Variants in UBALD1 observed in about 807,000 individuals in gnomAD.
The protein encoded by UBALD1 is UBA-like domain-containing protein 1.
In UBALD1, 5 loss-of-function variants were observed where a neutral mutation model predicts 16.1. That is an observed-to-expected ratio of 0.31 (90% CI 0.16 to 0.66). UBALD1 has a LOEUF of 0.66. UBALD1 is among the 30% of genes least tolerant of loss of function. The probability of loss-of-function intolerance (pLI) is 0.77; values close to 1 mark genes in which losing one functional copy is unlikely to be tolerated. For synonymous variants in UBALD1, 146 were observed against 105.3 expected (o/e 1.39, Z -2.37); for missense variants, 220 against 252.8 (o/e 0.87, Z 0.88).
rs773822870 is a variant in UBALD1 at position 4,614,807 on chromosome 16, G to A, written c.-10C>T. On this transcript the variant is annotated 5_prime_UTR_variant, in exon 1 of 3. Coordinates refer to ENST00000283474, the MANE Select transcript of UBALD1 (RefSeq NM_145253.3). ...CCATGTTCACGGACATGGCGCCGCC[G>A]CGCTGCCCGCTCCGGCCTCCCTCCT... 6.7e-6 allele frequency: 10 copies of A among 1,493,828 alleles called. No homozygotes were observed. Among genetic ancestry groups the A allele is most frequent in the Admixed American group, 2.3e-5 (1 of 43,308 alleles). 92.5% of individuals were successfully genotyped at this position (1,493,828 alleles called of 1,614,324 possible).
At chr16:4,610,012 T>C in intron 2 of UBALD1, 29 bp from the exon 3 acceptor site, 1 of 1,508,740 alleles carries the variant, frequency 6.6e-7, no homozygotes, top group Non-Finnish European at 9.1e-7. Flanking sequence ...AGAGATGGGG[T>C]GAGCACCCCT....
At chr16:4,614,548 C>T (rs1246542217) in intron 1 of UBALD1, 130 bp downstream of exon 1, 1 of 1,308,158 alleles carries the variant, frequency 7.6e-7, no homozygotes. Flanking sequence ...GTCGGGAAAG[C>T]GGGTCGGGTC....
Position 4,614,876 on chromosome 16 carries a change from C to A in UBALD1, c.-79G>T. 7.4e-7 allele frequency: 1 copy of A among 1,347,268 alleles called. No individual in the cohort carries two copies. The highest frequency in any genetic ancestry group is 1.7e-5 in the South Asian group (1 of 58,502). 83.5% of individuals were successfully genotyped at this position (1,347,268 alleles called of 1,614,324 possible). On this transcript the variant is annotated 5_prime_UTR_variant, in exon 1 of 3. Coordinates refer to ENST00000283474, the MANE Select transcript of UBALD1 (RefSeq NM_145253.3). ...CACGCGTCCACCATTAGCGAGCCGG[C>A]TCCGGCTAATACAAATATTTACTGT...
At position 4,614,587 on chromosome 16, in the gene UBALD1, A is replaced by G. The variant is rs1387007016; in HGVS notation, c.120+91T>C. Reference sequence around the variant, plus strand: ...GGCCCGGAGGGGGCGCACAGCCGGCACGCGTCCACGCCGTCCGCCCCCGCC... The same window carrying G: ...GGCCCGGAGGGGGCGCACAGCCGGCGCGCGTCCACGCCGTCCGCCCCCGCC... On this transcript the variant is annotated intron_variant, in intron 1 of 2. Coordinates refer to ENST00000283474, the MANE Select transcript of UBALD1 (RefSeq NM_145253.3). 4 of 1,268,106 alleles carry G rather than the reference A, an allele frequency of 3.2e-6. No individual in the cohort carries two copies. The East Asian group carries it at 1.3e-4, about 41-fold the overall frequency. 78.6% of individuals were successfully genotyped at this position (1,268,106 alleles called of 1,614,324 possible).
chr16:4,614,309 G>A (rs928247284), intron 1 of UBALD1: 107 of 360,706 alleles, frequency 3.0e-4, no homozygotes, highest in Non-Finnish European at 4.8e-4. Flanking sequence ...CTCCGGCCCA[G>A]CTCTGCCGAG....
chr16:4,609,760 T>A lies in UBALD1; in HGVS notation c.407A>T (p.His136Leu). 1.3e-6 allele frequency: 2 copies of A among 1,503,250 alleles called. No individual in the cohort carries two copies. Among genetic ancestry groups the A allele is most frequent in the South Asian group, 1.3e-5 (1 of 74,296 alleles). The allele number at this position is 1,503,250 out of a possible 1,614,324, so 93.1% of individuals were successfully genotyped here. ...TAASPPGGPQ[H>L]HQPQPPLWTP... The stretch of plus-strand genomic sequence containing the variant: ...CCACAGGGGCGGCTGTGGCTGGTGG[T>A]GCTGTGGGCCCCCCGGGGGCGAGGC... The change falls in exon 3 of 3, where the codon CAC becomes CTC. Residue 136 changes from histidine (H) to leucine (L), a missense_variant. Physicochemically the swap from His to Leu is moderately conservative, Grantham distance 99. Transcript: ENST00000283474.
chr16:4,614,240 C>G (rs1897393578), intron 1 of UBALD1: 1 of 339,682 alleles, frequency 2.9e-6, no homozygotes, highest in African/African-American at 2.1e-5. Context: ...TGTGCGCACG[C>G]CGCCGACCGC....
chr16:4,613,698 C>G (rs1419477589), intron 1 of UBALD1, among the ~76,000 whole-genome samples: 4 of 152,176 alleles, frequency 2.6e-5, no homozygotes, highest in Non-Finnish European at 5.9e-5. Flanking sequence ...TGATACCAAC[C>G]ACCATGGGGT....
intron 1 of UBALD1, chr16:4,610,885 C>CCCCAT: frequency 2.3e-6 from 1 of 429,304 alleles, no homozygotes; most frequent in Non-Finnish European, 4.1e-6. Context: ...GGGCAGTACA[C>CCCCAT]CCCATCCTGG....
intron 1 of UBALD1, chr16:4,610,857 C>G (rs943057081): frequency 1.2e-4 from 55 of 448,040 alleles, no homozygotes; most frequent in Middle Eastern, 5.7e-4. Flanking sequence ...GGCACCAGCA[C>G]CATGACTGGG....
At chr16:4,612,634 C>T (rs1157227298) in intron 1 of UBALD1, among the ~76,000 whole-genome samples, 3 of 152,150 alleles carry the variant, frequency 2.0e-5, no homozygotes, top group African/African-American at 7.2e-5. Context: ...CCACTAGACA[C>T]CGGCCCCTCC....
Position 4,614,411 on chromosome 16 carries a change from TG to T in UBALD1, c.120+266del, listed in dbSNP as rs138923012. 2,308 of 378,288 alleles carry T rather than the reference TG, an allele frequency of 6.1e-3. 44 individuals are homozygous for T. The highest frequency in any genetic ancestry group is 0.043 in the African/African-American group (2,027 of 47,244). The allele number at this position is 378,288 out of a possible 1,614,324, so 23.4% of individuals were successfully genotyped here. On this transcript the variant is annotated intron_variant, in intron 1 of 2. Coordinates refer to ENST00000283474, the MANE Select transcript of UBALD1 (RefSeq NM_145253.3). ...TCGGCCGTTACCCGGACAAAAGGGG[TG>T]GGGGGGGTCCCCGTCTCGATCCCGG...
intron 1 of UBALD1, among the ~76,000 whole-genome samples, chr16:4,613,548 C>T (rs888865636): frequency 6.6e-6 from 1 of 152,156 alleles, no homozygotes; most frequent in African/African-American, 2.4e-5. Context: ...CTTCTAGTCC[C>T]TCCTGCAGGC....
chr16:4,609,811 G>A lies in UBALD1; in HGVS notation c.356C>T (p.Ser119Phe), dbSNP rs750542597. 2.0e-6 allele frequency: 3 copies of A among 1,525,538 alleles called. No individual in the cohort carries two copies. Among genetic ancestry groups the A allele is most frequent in the East Asian group, 4.6e-5 (2 of 43,488 alleles). The allele number at this position is 1,525,538 out of a possible 1,614,324, so 94.5% of individuals were successfully genotyped here. The change falls in exon 3 of 3, where the codon TCT becomes TTT. Residue 119 changes from serine (S) to phenylalanine (F), a missense_variant. Transcript: ENST00000283474. ...PHFPHAATSS[S>F]AASSWPTAAS... Reference sequence around the variant, plus strand: ...CGCCGTGGGCCAGCTGGAGGCCGCAGAGCTGCTGGTGGCGGCATGGGGGAA... The same window carrying A: ...CGCCGTGGGCCAGCTGGAGGCCGCAAAGCTGCTGGTGGCGGCATGGGGGAA...
intron 1 of UBALD1, among the ~76,000 whole-genome samples, chr16:4,611,943 G>A (rs563857775): frequency 6.6e-6 from 1 of 152,268 alleles, no homozygotes; most frequent in East Asian, 1.9e-4. Context: ...CCACCCCTCA[G>A]GCCCACTCCC....
In UBALD1 at chr16:4,609,698, G is replaced by GCTGCT; in HGVS notation, c.468_469insAGCAG (p.Pro157SerfsTer69). 1 of 1,483,060 alleles carries GCTGCT rather than the reference G, an allele frequency of 6.7e-7. No homozygotes were observed. The highest frequency in any genetic ancestry group is 8.9e-7 in the Non-Finnish European group (1 of 1,119,090). The allele number at this position is 1,483,060 out of a possible 1,614,324, so 91.9% of individuals were successfully genotyped here. A position where few individuals can be genotyped will look rare whatever the true frequency, so the allele number is the denominator to read the frequency against. On this transcript the variant is annotated frameshift_variant, in exon 3 of 3. Coordinates refer to ENST00000283474, the MANE Select transcript of UBALD1 (RefSeq NM_145253.3). LOFTEE classifies it high-confidence loss of function. Reference sequence around the variant, plus strand: ...GAGGTGGCCTGTTGGGGGGCCAGGGGTGGCCAGTCTGAAGCCGGAGAAGGG... The same window carrying GCTGCT: ...GAGGTGGCCTGTTGGGGGGCCAGGGGCTGCTTGGCCAGTCTGAAGCCGGAGAAGGG...
chr16:4,610,718 C>A (rs1208126404), intron 1 of UBALD1, 163 bp from the exon 2 acceptor site: 2 of 725,304 alleles, frequency 2.8e-6, no homozygotes, highest in Non-Finnish European at 4.5e-6. Flanking sequence ...TCACCCCCAA[C>A]CCTCACTGCT....
chr16:4,612,646 C>T (rs925554315), intron 1 of UBALD1, among the ~76,000 whole-genome samples: 1 of 152,174 alleles, frequency 6.6e-6, no homozygotes, highest in Non-Finnish European at 1.5e-5. Flanking sequence ...GGCCCCTCCC[C>T]CTGCAGCCTC....
intron 1 of UBALD1, chr16:4,610,881 T>C: frequency 4.6e-6 from 2 of 432,920 alleles, no homozygotes; most frequent in Non-Finnish European, 8.1e-6. Context: ...GGGCGGGCAG[T>C]ACACCCCATC....
Sources: allele counts gnomAD v4.1 joint callset (sites outside exome capture counted in the v4.1 genomes callset), GRCh38; gene constraint gnomAD v4.1.1; transcripts MANE v1.5; gene names NCBI Gene and HGNC (gene_info 2026-07-23, HGNC 2026-07-21).